The following REXO5 variants were observed in gnomAD, a reference collection of about 807,000 sequenced individuals.
The protein encoded by REXO5 is exonuclease NEF-sp.
REXO5 carries 48 observed loss-of-function variants against 88.5 expected under a neutral mutation model. The ratio of observed to expected loss-of-function variants is 0.54; its 90% CI spans 0.43 to 0.69. REXO5 has a LOEUF of 0.69. Ranked by LOEUF, REXO5 falls within the 30% of genes least tolerant of loss-of-function variation. REXO5 has a pLI of 0.00. For missense variants in REXO5, 749 were observed against 912.2 expected, an observed-to-expected ratio of 0.82 and a Z score of 2.30; for synonymous variants, 311 against 336.5, an observed-to-expected ratio of 0.92 and a Z score of 0.83.
intron 8 of REXO5, 116 bp from the exon 9 acceptor site, chr16:20,826,942 C>T: frequency 1.0e-6 from 1 of 968,714 alleles, no homozygotes; most frequent in Non-Finnish European, 1.5e-6. Context: ...TCACTTTGGA[C>T]ACTAAGCATA....
At chr16:20,828,157 A>G (rs1875054982) in intron 10 of REXO5, among the ~76,000 whole-genome samples, 1 of 152,210 alleles carries the variant, frequency 6.6e-6, no homozygotes, top group Non-Finnish European at 1.5e-5. Flanking sequence ...TTCTTAGAGA[A>G]GGGCCTGGCC....
intron 16 of REXO5, 87 bp from the exon 17 acceptor site, chr16:20,844,542 A>T (rs777375017): frequency 8.2e-5 from 93 of 1,138,550 alleles, no homozygotes; most frequent in Admixed American, 1.1e-4. Flanking sequence ...AAATGAAGTT[A>T]TTAGTAATGG....
Position 20,827,210 on chromosome 16 carries a change from T to A in REXO5, c.960+14T>A. 2 of 1,614,042 alleles carry A rather than the reference T, an allele frequency of 1.2e-6. No homozygotes were observed. Among genetic ancestry groups the A allele is most frequent in the Non-Finnish European group, 1.7e-6 (2 of 1,179,948 alleles). ...AGAGCACTGAAAGTGAGTATCTGAT[T>A]TAGGACTTTGCATTTTCAGTATAAA... On this transcript the variant is annotated intron_variant, in intron 9 of 19. Transcript: ENST00000261377.
At position 20,825,951 on chromosome 16, in the gene REXO5, AT is replaced by A; in HGVS notation, c.821+8del. On this transcript the variant is annotated splice_donor_region_variant and intron_variant, in intron 8 of 19. Coordinates refer to ENST00000261377, the MANE Select transcript of REXO5 (RefSeq NM_030941.3). The stretch of plus-strand genomic sequence containing the variant: ...AAGATTCTGGACTACCTCACCAGGT[AT>A]TTTTCACCTTGCCTGCAGCTCTTCT... The A allele has an allele frequency of 1.3e-6, 2 of 1,595,870 alleles. No individual in the cohort carries two copies. Among genetic ancestry groups the A allele is most frequent in the Non-Finnish European group, 1.7e-6 (2 of 1,164,440 alleles).
At chr16:20,838,368 T>A (rs912065595) in intron 13 of REXO5, among the ~76,000 whole-genome samples, 3 of 152,216 alleles carry the variant, frequency 2.0e-5, no homozygotes, top group Admixed American at 6.5e-5. Context: ...ATCTTATAAC[T>A]TTTTTATTTT....
chr16:20,813,212 T>C lies in REXO5; in HGVS notation c.161T>C (p.Leu54Ser). The part of the protein sequence containing the change: ...EAKKARLSTI[L>S]FTDNCEVTHD... ...CAGAAAGCCCGCTTATCTACCATTT[T>C]ATTTACTGACAACTGTGAAGTAACC... The change falls in exon 3 of 20, where the codon TTA becomes TCA. Residue 54 changes from leucine to serine, a missense_variant. Coordinates refer to ENST00000261377, the MANE Select transcript of REXO5 (RefSeq NM_030941.3). The C allele has an allele frequency of 3.7e-6, 6 of 1,613,804 alleles. No individual in the cohort carries two copies. Among genetic ancestry groups the C allele is most frequent in the Non-Finnish European group, 5.1e-6 (6 of 1,179,674 alleles).
chr16:20,816,252 A>T, intron 5 of REXO5, 40 bp downstream of exon 5: 2 of 1,475,570 alleles, frequency 1.4e-6, no homozygotes, highest in Non-Finnish European at 1.9e-6. Context: ...GCTCACTCTA[A>T]AAGATACGGA....
At chr16:20,849,177 T>C (rs1038013874) in intron 19 of REXO5, among the ~76,000 whole-genome samples, 3 of 152,270 alleles carry the variant, frequency 2.0e-5, no homozygotes, top group Non-Finnish European at 4.4e-5. Context: ...ATATGCCTCA[T>C]ATCTCTTAAT....
intron 6 of REXO5, among the ~76,000 whole-genome samples, chr16:20,823,025 T>A (rs2081208377): frequency 6.6e-6 from 1 of 152,236 alleles, no homozygotes; most frequent in South Asian, 2.1e-4. Flanking sequence ...GGTTTCCAGT[T>A]CCTGCACATT....
chr16:20,844,484 T>C, intron 16 of REXO5, 145 bp from the exon 17 acceptor site: 2 of 638,020 alleles, frequency 3.1e-6, no homozygotes, highest in Admixed American at 2.9e-5. Flanking sequence ...TTATCTTTAG[T>C]TTCCTTTTAC....
At chr16:20,845,867 A>G (rs1233552668) in intron 18 of REXO5, among the ~76,000 whole-genome samples, 4 of 152,150 alleles carry the variant, frequency 2.6e-5, no homozygotes, top group Admixed American at 6.5e-5. Flanking sequence ...GATGAAAAGT[A>G]GGGGCTAGAG....
At chr16:20,808,092 C>A (rs2080934074) in intron 2 of REXO5, among the ~76,000 whole-genome samples, 1 of 152,132 alleles carries the variant, frequency 6.6e-6, no homozygotes, top group Admixed American at 6.5e-5. Context: ...TCCTAGGTGG[C>A]ATGCTGCTTA....
chr16:20,807,217 C>G, intron 2 of REXO5, 126 bp downstream of exon 2: 1 of 1,080,378 alleles, frequency 9.3e-7, no homozygotes, highest in Non-Finnish European at 1.3e-6. Context: ...AACCTGATCC[C>G]TGATCATTAA....
Position 20,844,844 on chromosome 16 carries a change from G to C in REXO5, c.1935G>C (p.Leu645=). The change falls in exon 17 of 20, where the codon CTG becomes CTC. Residue 645 remains leucine, a splice_region_variant and synonymous_variant. Transcript: ENST00000261377. ...GAAAGCAGAAAAAATACTGTTTCCT[G>C]AGTAAGTCTATGCTACTGAATGTAG... The part of the protein sequence containing the change: ...KSGKQKKYCF[L]KFKSFGSAQQ... The C allele has an allele frequency of 6.2e-7, 1 of 1,612,598 alleles. No homozygotes were observed.
intron 13 of REXO5, among the ~76,000 whole-genome samples, chr16:20,837,030 T>A (rs2081442068): frequency 2.0e-5 from 3 of 152,232 alleles, no homozygotes; most frequent in African/African-American, 7.2e-5. Flanking sequence ...AAGAGTCCTT[T>A]AACAGATAAG....
At chr16:20,845,029 A>T (rs374972444) in intron 17 of REXO5, 25 bp from the exon 18 acceptor site, 6 of 1,607,728 alleles carry the variant, frequency 3.7e-6, no homozygotes, top group Non-Finnish European at 5.1e-6. Flanking sequence ...CCTTAATAAC[A>T]TAAGGTGGGG....
In REXO5 at chr16:20,844,851, T is replaced by A; in HGVS notation, c.1936+6T>A. 1 of 1,610,198 alleles carries A rather than the reference T, an allele frequency of 6.2e-7. No homozygotes were observed. Among genetic ancestry groups the A allele is most frequent in the Non-Finnish European group, 8.5e-7 (1 of 1,177,132 alleles). ...GAAAAAATACTGTTTCCTGAGTAAG[T>A]CTATGCTACTGAATGTAGCTTTGGG... On this transcript the variant is annotated splice_donor_region_variant and intron_variant, in intron 17 of 19. Transcript: ENST00000261377.
At chr16:20,818,080 T>A (rs1160019110) in intron 5 of REXO5, among the ~76,000 whole-genome samples, 2 of 152,202 alleles carry the variant, frequency 1.3e-5, no homozygotes, top group African/African-American at 4.8e-5. Context: ...TTCCCTTTGC[T>A]CCTATAAATC....
intron 18 of REXO5, among the ~76,000 whole-genome samples, chr16:20,845,522 G>T (rs1045414111): frequency 6.6e-6 from 1 of 152,080 alleles, no homozygotes; most frequent in Non-Finnish European, 1.5e-5. Flanking sequence ...CTAGTCTAGG[G>T]TTTCCCAAAG....
Sources: gnomAD v4.1 joint callset for allele counts (sites outside exome capture counted in the v4.1 genomes callset) on GRCh38, gnomAD v4.1.1 for gene constraint, MANE v1.5 for transcripts, NCBI Gene and HGNC (gene_info 2026-07-23, HGNC 2026-07-21) for gene names.